MEMO1: variants seen among roughly 807,000 people sequenced by gnomAD.
MEMO1 encodes protein MEMO1.
MEMO1 carries 6 observed loss-of-function variants against 45.2 expected under a neutral mutation model. That is an observed-to-expected ratio of 0.13 (90% CI 0.07 to 0.26). The LOEUF (loss-of-function observed/expected upper bound fraction) is 0.26. Among genes scored for constraint, MEMO1 ranks in the 10% least tolerant of loss-of-function variants. The probability of loss-of-function intolerance (pLI) is 1.00; values close to 1 mark genes in which losing one functional copy is unlikely to be tolerated. For synonymous variants in MEMO1, 78 were observed against 124.3 expected, an observed-to-expected ratio of 0.63 and a Z score of 2.48; for missense variants, 184 against 370.5, an observed-to-expected ratio of 0.50 and a Z score of 4.13.
At chr2:31,873,794 G>T (rs1484562174) in intron 8 of MEMO1, among the ~76,000 whole-genome samples, 3 of 152,082 alleles carry the variant, frequency 2.0e-5, no homozygotes, top group Non-Finnish European at 4.4e-5. Context: ...GTGACATGGG[G>T]TAGGAAAAGG....
At chr2:31,927,952 A>C (rs925028173) in intron 4 of MEMO1, among the ~76,000 whole-genome samples, 7 of 152,166 alleles carry the variant, frequency 4.6e-5, no homozygotes, top group African/African-American at 1.7e-4. Flanking sequence ...CATATGCTTA[A>C]TATCTATCTC....
chr2:31,991,390 G>A (rs905590506), intron 2 of MEMO1, among the ~76,000 whole-genome samples: 21 of 152,054 alleles, frequency 1.4e-4, no homozygotes, highest in African/African-American at 5.1e-4. Flanking sequence ...TGACCAACAC[G>A]GAGAAACCCC....
At chr2:31,904,503 G>C (rs910666731) in intron 6 of MEMO1, among the ~76,000 whole-genome samples, 2 of 152,260 alleles carry the variant, frequency 1.3e-5, no homozygotes, top group Admixed American at 1.3e-4. Context: ...CTCCACATAA[G>C]GGAGAACAGT....
At chr2:31,991,567 G>A (rs1158648824) in intron 2 of MEMO1, among the ~76,000 whole-genome samples, 3 of 32,336 alleles carry the variant, frequency 9.3e-5, no homozygotes, top group African/African-American at 1.0e-4. Flanking sequence ...GCAAAACTCC[G>A]ACTCAAAAAA....
chr2:31,964,522 C>A (rs1401903576), intron 2 of MEMO1, among the ~76,000 whole-genome samples: 1 of 151,756 alleles, frequency 6.6e-6, no homozygotes, highest in Non-Finnish European at 1.5e-5. Flanking sequence ...CATGGAGAAA[C>A]CCCGTCTCTA....
chr2:31,915,401 G>A (rs555026296), intron 6 of MEMO1, among the ~76,000 whole-genome samples: 6 of 152,188 alleles, frequency 3.9e-5, no homozygotes, highest in Non-Finnish European at 8.8e-5. Context: ...CCCATCAAGA[G>A]GAGCAATATA....
At chr2:31,985,808 T>G (rs1292347911) in intron 2 of MEMO1, among the ~76,000 whole-genome samples, 22 of 152,194 alleles carry the variant, frequency 1.4e-4, no homozygotes, top group Admixed American at 1.4e-3. Context: ...ACAAAGTTAT[T>G]TATGCAAAAT....
chr2:32,002,167 A>T (rs1205094024), intron 2 of MEMO1, among the ~76,000 whole-genome samples: 1 of 115,990 alleles, frequency 8.6e-6, no homozygotes, highest in South Asian at 2.7e-4. Flanking sequence ...AAAAAAAAAA[A>T]AATATATATA....
intron 2 of MEMO1, among the ~76,000 whole-genome samples, chr2:31,965,299 A>AGGAGGGAAGGAGGGACGGAG (rs143422023): frequency 0.28 from 41,259 of 147,028 alleles, 6,034 homozygotes; most frequent in East Asian, 0.54. Flanking sequence ...GAAGAAGGGA[A>AGGAGGGAAGGAGGGACGGAG]GGAGGGAAGG....
At chr2:31,977,203 T>C (rs929450870) in intron 2 of MEMO1, among the ~76,000 whole-genome samples, 2 of 152,132 alleles carry the variant, frequency 1.3e-5, no homozygotes, top group Non-Finnish European at 2.9e-5. Context: ...AACAAAAACC[T>C]GCATAGTTGA....
intron 6 of MEMO1, among the ~76,000 whole-genome samples, chr2:31,917,433 A>G (rs1681628615): frequency 6.6e-6 from 1 of 152,206 alleles, no homozygotes; most frequent in African/African-American, 2.4e-5. Flanking sequence ...GGCTCACAGT[A>G]CAGTGAGTAG....
intron 8 of MEMO1, among the ~76,000 whole-genome samples, chr2:31,873,218 A>T (rs1451700975): frequency 6.6e-6 from 1 of 152,128 alleles, no homozygotes; most frequent in African/African-American, 2.4e-5. Flanking sequence ...CATAAACTTA[A>T]CCTAATGTGG....
chr2:31,905,970 TC>T (rs1679628494), intron 6 of MEMO1, among the ~76,000 whole-genome samples: 1 of 152,096 alleles, frequency 6.6e-6, no homozygotes, highest in East Asian at 1.9e-4. Flanking sequence ...ATTCTTTTTT[TC>T]TTTATTTTTT....
intron 4 of MEMO1, among the ~76,000 whole-genome samples, chr2:31,923,111 T>C (rs902812220): frequency 2.0e-5 from 3 of 152,346 alleles, no homozygotes; most frequent in Admixed American, 6.5e-5. Context: ...AACATTTATT[T>C]TTCTCCACAA....
In MEMO1 at chr2:31,909,731, T is replaced by C. The variant is rs559626371; in HGVS notation, c.437+8195A>G. Among the ~76,000 whole-genome samples the C allele has an allele frequency of 1.5e-4, 23 of 152,198 alleles. No homozygotes were observed. The South Asian group carries it at 4.8e-3, about 32-fold the overall frequency. ...AATGAAACCCCTATCAAAATACCAATGACATTCTTCAAAGAAATTTTTTTA... is the reference window on the plus strand; with the variant it reads ...AATGAAACCCCTATCAAAATACCAACGACATTCTTCAAAGAAATTTTTTTA... On this transcript the variant is annotated intron_variant, in intron 6 of 9. Coordinates refer to ENST00000404530, the MANE Select transcript of MEMO1 (RefSeq NM_001301833.4).
intron 6 of MEMO1, among the ~76,000 whole-genome samples, chr2:31,903,756 T>A (rs776674203): frequency 8.5e-5 from 13 of 152,094 alleles, no homozygotes; most frequent in Non-Finnish European, 1.8e-4. Context: ...AATAAAAAAA[T>A]TTAACTGTAA....
At chr2:32,000,639 T>G (rs1290698004) in intron 2 of MEMO1, among the ~76,000 whole-genome samples, 1 of 152,188 alleles carries the variant, frequency 6.6e-6, no homozygotes, top group Non-Finnish European at 1.5e-5. Flanking sequence ...GTGCAGGGAT[T>G]ACAAGCGTGA....
At chr2:31,929,220 T>C (rs1683580975) in intron 4 of MEMO1, among the ~76,000 whole-genome samples, 1 of 152,184 alleles carries the variant, frequency 6.6e-6, no homozygotes, top group African/African-American at 2.4e-5. Context: ...TTATTTTTAT[T>C]AATTACATTT....
At chr2:31,964,143 A>C (rs973272957) in intron 2 of MEMO1, among the ~76,000 whole-genome samples, 1 of 152,190 alleles carries the variant, frequency 6.6e-6, no homozygotes, top group Admixed American at 6.6e-5. Flanking sequence ...ATTGTATAAA[A>C]TACATGAGAC....
Sources: gnomAD v4.1 joint callset for allele counts (sites outside exome capture counted in the v4.1 genomes callset) on GRCh38, gnomAD v4.1.1 for gene constraint, MANE v1.5 for transcripts, NCBI Gene and HGNC (gene_info 2026-07-23, HGNC 2026-07-21) for gene names.